TYW1: variants seen among roughly 807,000 people sequenced by gnomAD.
TYW1 encodes the protein S-adenosyl-L-methionine-dependent tRNA 4-demethylwyosine synthase TYW1.
A neutral mutation model predicts 96.2 loss-of-function variants in TYW1; 46 were observed. That is an observed-to-expected ratio of 0.48 (90% CI 0.38 to 0.61). TYW1 has a LOEUF of 0.61. Among genes scored for constraint, TYW1 ranks in the 20% least tolerant of loss-of-function variants. TYW1 has a pLI of 0.00. For synonymous variants in TYW1, 274 were observed against 323.0 expected (o/e 0.85, Z 1.63); for missense variants, 684 against 909.6 (o/e 0.75, Z 3.19).
At chr7:67,084,054 A>G (rs1796465452) in intron 11 of TYW1, among the ~76,000 whole-genome samples, 1 of 152,218 alleles carries the variant, frequency 6.6e-6, no homozygotes, top group Admixed American at 6.5e-5. Context: ...ATAAATAAAT[A>G]AAAAGTTTAG....
At chr7:67,006,948 CT>C (rs34475001) in intron 3 of TYW1, among the ~76,000 whole-genome samples, 486 of 45,118 alleles carry the variant, frequency 0.011, 5 homozygotes, top group East Asian at 0.038. Context: ...AGATGTGAGG[CT>C]TTTTTTTTTT....
At position 67,182,902 on chromosome 7, in the gene TYW1, A is replaced by C. The variant is rs570253417; in HGVS notation, c.1699-224A>C. On this transcript the variant is annotated intron_variant, in intron 13 of 15. Transcript: ENST00000359626. ...TAGTGTTAAATGTTGTGGGGAAGAG[A>C]AAATAAATATGTCAGTATCTCATGT... is the stretch of plus-strand genomic sequence containing the variant. Among the ~76,000 whole-genome samples, 143 of 151,690 alleles carry C rather than the reference A, an allele frequency of 9.4e-4. 1 individual carries two copies. The highest frequency in any genetic ancestry group is 3.2e-3 in the African/African-American group (133 of 41,196).
At chr7:67,077,340 T>C (rs565606403) in intron 10 of TYW1, among the ~76,000 whole-genome samples, 2 of 152,346 alleles carry the variant, frequency 1.3e-5, no homozygotes, top group Admixed American at 6.5e-5. Context: ...CCATAATGAC[T>C]GTGGTAGTTT....
At chr7:67,166,065 T>TC (rs889383132) in intron 13 of TYW1, among the ~76,000 whole-genome samples, 17 of 151,890 alleles carry the variant, frequency 1.1e-4, no homozygotes, top group African/African-American at 4.1e-4. Flanking sequence ...ATAGCGACAC[T>TC]CCATCTCTAC....
In TYW1 at chr7:67,205,572, C is replaced by T. The variant is rs566667807; in HGVS notation, c.1977+10235C>T. Among the ~76,000 whole-genome samples, 4 of 151,798 alleles carry T rather than the reference C, an allele frequency of 2.6e-5. 1 individual carries two copies. The South Asian group carries it at 6.3e-4, about 24-fold the overall frequency. On this transcript the variant is annotated intron_variant, in intron 15 of 15. Transcript: ENST00000359626. ...AGGGGAGGAGGAGGGCAGGATTCCC[C>T]GCTCACCTTCTCTGATACCGCCCTG...
At chr7:67,082,316 G>A (rs201417984) in intron 10 of TYW1, among the ~76,000 whole-genome samples, 1 of 152,158 alleles carries the variant, frequency 6.6e-6, no homozygotes. Flanking sequence ...TGTTGGTTGA[G>A]TGGGGTGCTT....
At chr7:67,139,768 T>C (rs1484069586) in intron 13 of TYW1, among the ~76,000 whole-genome samples, 2 of 151,508 alleles carry the variant, frequency 1.3e-5, no homozygotes, top group Admixed American at 1.3e-4. Context: ...TGTGTGTGTG[T>C]GTGTATGCCC....
At chr7:67,193,842 TTGTGTGTGTTTGTGTG>T (rs1800302136) in intron 14 of TYW1, among the ~76,000 whole-genome samples, 1 of 135,304 alleles carries the variant, frequency 7.4e-6, no homozygotes, top group African/African-American at 3.1e-5. Flanking sequence ...TTATATGTAT[TTGTGTGTGTTTGTGTG>T]TGTGTGTGTG....
At chr7:67,053,220 A>C (rs1170023640) in intron 8 of TYW1, among the ~76,000 whole-genome samples, 2 of 151,928 alleles carry the variant, frequency 1.3e-5, no homozygotes, top group South Asian at 2.1e-4. Flanking sequence ...CTGTTGAGGC[A>C]AAACACTTCT....
At chr7:67,120,839 C>T (rs1797739235) in intron 13 of TYW1, among the ~76,000 whole-genome samples, 1 of 152,156 alleles carries the variant, frequency 6.6e-6, no homozygotes, top group African/African-American at 2.4e-5. Flanking sequence ...TTTGGGTTTG[C>T]TCATGACAGT....
At chr7:67,095,015 T>TTC (rs1796849183) in intron 11 of TYW1, among the ~76,000 whole-genome samples, 1 of 151,612 alleles carries the variant, frequency 6.6e-6, no homozygotes. Context: ...TTTTTTTTTT[T>TTC]CCAGACAGGG....
chr7:67,071,085 C>T (rs573090315), intron 10 of TYW1, among the ~76,000 whole-genome samples: 89 of 151,464 alleles, frequency 5.9e-4, no homozygotes, highest in African/African-American at 2.0e-3. Flanking sequence ...GAGCCTAGAT[C>T]GCGCCACTGC....
At chr7:67,122,077 CA>C (rs1797776509) in intron 13 of TYW1, among the ~76,000 whole-genome samples, 1 of 151,806 alleles carries the variant, frequency 6.6e-6, no homozygotes, top group Non-Finnish European at 1.5e-5. Flanking sequence ...GCAATGTGAC[CA>C]GATGTGTTTC....
chr7:67,226,240 C>T (rs1409310127), intron 15 of TYW1, among the ~76,000 whole-genome samples: 3 of 152,144 alleles, frequency 2.0e-5, no homozygotes, highest in Non-Finnish European at 4.4e-5. Context: ...GATAATAGCC[C>T]TTCCCTAAAA....
At chr7:67,095,656 T>TCAAAAACAACAA (rs1796879097) in intron 11 of TYW1, among the ~76,000 whole-genome samples, 1 of 132,818 alleles carries the variant, frequency 7.5e-6, no homozygotes, top group Admixed American at 7.9e-5. Flanking sequence ...AGACTCTGTC[T>TCAAAAACAACAA]CAAAAACAAC....
At chr7:67,046,775 A>T (rs927442013) in intron 7 of TYW1, among the ~76,000 whole-genome samples, 6 of 152,204 alleles carry the variant, frequency 3.9e-5, no homozygotes, top group African/African-American at 1.4e-4. Flanking sequence ...AGTGGGAAGG[A>T]GTGATGAATT....
In TYW1 at chr7:67,135,583, G is replaced by A. The variant is rs373272234; in HGVS notation, c.1698+17965G>A. Among the ~76,000 whole-genome samples, 7 of 150,106 alleles carry A rather than the reference G, an allele frequency of 4.7e-5. No individual in the cohort carries two copies. The East Asian group carries it at 5.9e-4, about 13-fold the overall frequency. ...CTCCCAAAGTGCTGAGATTATAGGC[G>A]TGAGCTACCACGTCCAGCCAACAGT... On this transcript the variant is annotated intron_variant, in intron 13 of 15. Coordinates refer to ENST00000359626, the MANE Select transcript of TYW1 (RefSeq NM_018264.4).
chr7:67,196,299 T>C (rs1234231999), intron 15 of TYW1, among the ~76,000 whole-genome samples: 1 of 152,216 alleles, frequency 6.6e-6, no homozygotes, highest in Non-Finnish European at 1.5e-5. Flanking sequence ...GCTGAAGTTT[T>C]CAAGCTTGGG....
chr7:67,190,140 C>T (rs1321110287), intron 14 of TYW1, among the ~76,000 whole-genome samples: 33 of 152,218 alleles, frequency 2.2e-4, no homozygotes, highest in African/African-American at 7.5e-4. Context: ...CCTTGCAGAA[C>T]GCACCCTGCA....
Sources: allele counts gnomAD v4.1 joint callset (sites outside exome capture counted in the v4.1 genomes callset), GRCh38; gene constraint gnomAD v4.1.1; transcripts MANE v1.5; gene names NCBI Gene and HGNC (gene_info 2026-07-23, HGNC 2026-07-21).